The following CADM2 variants were observed in gnomAD, a reference collection of about 807,000 sequenced individuals.
The protein encoded by CADM2 is immunoglobulin superfamily member 4D.
In CADM2, 12 loss-of-function variants were observed where a neutral mutation model predicts 49.8. The observed-to-expected ratio is 0.24, with a 90% CI of 0.15 to 0.39. CADM2 has a LOEUF of 0.39. CADM2 is among the 10% of genes least tolerant of loss of function. The pLI, the probability that CADM2 is intolerant of heterozygous loss-of-function variation, is 1.00. For synonymous variants in CADM2, 214 were observed against 175.4 expected, an observed-to-expected ratio of 1.22 and a Z score of -1.74; for missense variants, 378 against 492.3, an observed-to-expected ratio of 0.77 and a Z score of 2.20.
At chr3:85,901,673 T>A (rs980127987) in intron 5 of CADM2, among the ~76,000 whole-genome samples, 9 of 152,316 alleles carry the variant, frequency 5.9e-5, no homozygotes, top group African/African-American at 2.2e-4. Context: ...ATTCACATCA[T>A]CAAATTCATG....
intron 2 of CADM2, chr3:85,800,384 T>C (rs1409988932): frequency 1.3e-5 from 2 of 152,292 alleles, no homozygotes; most frequent in Non-Finnish European, 2.9e-5. Context: ...GTCTTTCCAT[T>C]GGAGTGAACA....
At chr3:85,969,991 TC>T (rs1725920931) in intron 8 of CADM2, among the ~76,000 whole-genome samples, 3 of 17,034 alleles carry the variant, frequency 1.8e-4, no homozygotes, top group African/African-American at 2.3e-3. Flanking sequence ...ATATATACAC[TC>T]ATACACTCAC....
chr3:85,890,981 A>G (rs1300937863), intron 5 of CADM2, among the ~76,000 whole-genome samples: 2 of 152,338 alleles, frequency 1.3e-5, no homozygotes, highest in African/African-American at 2.4e-5. Flanking sequence ...TTTATTCCAG[A>G]TTAAGGGTTT....
chr3:85,701,977 TAGATAGATAGA>T (rs2066785468), intron 1 of CADM2, among the ~76,000 whole-genome samples: 1 of 60,834 alleles, frequency 1.6e-5, no homozygotes, highest in Non-Finnish European at 3.5e-5. Context: ...TAGACATAGA[TAGATAGATAGA>T]TAGATAGATA....
chr3:85,170,652 T>A (rs977656224), intron 1 of CADM2, among the ~76,000 whole-genome samples: 3 of 152,152 alleles, frequency 2.0e-5, no homozygotes, highest in Admixed American at 6.6e-5. Context: ...ATTTTAAAAA[T>A]AAAATTCTTC....
Position 86,066,729 on chromosome 3 carries a change from C to G in CADM2, c.1161C>G (p.Ile387Met), listed in dbSNP as rs747188404. 1.2e-6 allele frequency: 2 copies of G among 1,613,922 alleles called. No homozygotes were observed. Residue 387 changes from isoleucine to methionine, a missense_variant, in exon 10 of 10, where the codon ATC becomes ATG. Coordinates refer to ENST00000383699, the MANE Select transcript of CADM2 (RefSeq NM_001167675.2). ...EDAPDADTAI[I>M]NAEGSQVNAE... is the part of the protein sequence containing the mutation. The stretch of plus-strand genomic sequence containing the variant: ...CACCAGATGCTGATACAGCCATTAT[C>G]AATGCTGAAGGCAGCCAAGTCAATG...
chr3:85,408,762 A>G (rs2035521866), intron 1 of CADM2, among the ~76,000 whole-genome samples: 1 of 152,140 alleles, frequency 6.6e-6, no homozygotes, highest in South Asian at 2.1e-4. Flanking sequence ...GAAGGAGCAA[A>G]CATATTTGAA....
intron 3 of CADM2, among the ~76,000 whole-genome samples, chr3:85,842,805 T>A (rs909329328): frequency 2.0e-5 from 3 of 152,156 alleles, no homozygotes; most frequent in African/African-American, 7.2e-5. Flanking sequence ...ATAGGAGACA[T>A]CTATGTCTCA....
intron 8 of CADM2, among the ~76,000 whole-genome samples, chr3:86,011,661 G>A (rs1007508251): frequency 2.0e-5 from 3 of 152,082 alleles, no homozygotes; most frequent in Admixed American, 2.0e-4. Context: ...GCACAATTGG[G>A]ACAGCCAATG....
chr3:85,501,014 A>T (rs1336146909), intron 1 of CADM2, among the ~76,000 whole-genome samples: 1 of 152,218 alleles, frequency 6.6e-6, no homozygotes, highest in Non-Finnish European at 1.5e-5. Flanking sequence ...ATTATTAAAT[A>T]TCCACAGAAA....
intron 1 of CADM2, among the ~76,000 whole-genome samples, chr3:85,702,779 T>C (rs1559602393): frequency 6.6e-6 from 1 of 152,174 alleles, no homozygotes; most frequent in Non-Finnish European, 1.5e-5. Context: ...GTTTTCAGTA[T>C]CCATATTTGC....
chr3:85,649,397 G>C (rs1392800775), intron 1 of CADM2, among the ~76,000 whole-genome samples: 3 of 152,132 alleles, frequency 2.0e-5, no homozygotes, highest in South Asian at 2.1e-4. Context: ...ATATGGCTGA[G>C]ATATGCATTG....
rs1253912561 is a variant in CADM2 at position 85,659,083 on chromosome 3, T to TAATAATAATAATAATAAC, written c.62-67437_62-67436insTAATAATAATAATAACAA. ...ATAATAATAATAATAATAATAATAA[T>TAATAATAATAATAATAAC]AACAATAAATTTTTTAAAACTCTAC... On this transcript the variant is annotated intron_variant, in intron 1 of 9. Transcript: ENST00000383699. Among the ~76,000 whole-genome samples, 4 of 148,904 alleles carry TAATAATAATAATAATAAC rather than the reference T, an allele frequency of 2.7e-5. No individual in the cohort carries two copies. The Admixed American group carries it at 2.7e-4, about 10-fold the overall frequency.
intron 1 of CADM2, among the ~76,000 whole-genome samples, chr3:85,451,016 C>T (rs996336119): frequency 4.6e-5 from 7 of 151,902 alleles, no homozygotes; most frequent in Admixed American, 6.6e-5. Flanking sequence ...GATGTTTTTG[C>T]GTCTTTTCAT....
chr3:85,979,479 A>G (rs1431750639), intron 8 of CADM2, among the ~76,000 whole-genome samples: 1 of 151,654 alleles, frequency 6.6e-6, no homozygotes, highest in Non-Finnish European at 1.5e-5. Context: ...TTTTAGTGTT[A>G]CTTAAGACTA....
chr3:85,639,528 T>C (rs1178919194), intron 1 of CADM2, among the ~76,000 whole-genome samples: 11 of 152,088 alleles, frequency 7.2e-5, no homozygotes, highest in African/African-American at 1.9e-4. Context: ...CCACCAGGAG[T>C]TGTCTTACTG....
chr3:85,190,716 A>G (rs1410939196), intron 1 of CADM2, among the ~76,000 whole-genome samples: 1 of 152,178 alleles, frequency 6.6e-6, no homozygotes, highest in Non-Finnish European at 1.5e-5. Context: ...GAATCTCTGA[A>G]TGCAATAAGG....
chr3:85,495,762 T>C (rs2039861387), intron 1 of CADM2, among the ~76,000 whole-genome samples: 1 of 151,880 alleles, frequency 6.6e-6, no homozygotes, highest in Non-Finnish European at 1.5e-5. Context: ...AAGAGAGAGA[T>C]GCCAGGCTCT....
chr3:86,008,920 T>G (rs145617078), intron 8 of CADM2, among the ~76,000 whole-genome samples: 2 of 151,790 alleles, frequency 1.3e-5, no homozygotes, highest in East Asian at 3.9e-4. Flanking sequence ...AAAATGTTCT[T>G]TCTTTTCCCC....
Sources: allele counts gnomAD v4.1 joint callset (sites outside exome capture counted in the v4.1 genomes callset), GRCh38; gene constraint gnomAD v4.1.1; transcripts MANE v1.5; gene names NCBI Gene and HGNC (gene_info 2026-07-23, HGNC 2026-07-21).